Variants in FREM2 observed in about 807,000 individuals in gnomAD.
FREM2 encodes the protein FRAS1 related extracellular matrix 2.
A neutral mutation model predicts 219.9 loss-of-function variants in FREM2; 119 were observed. The observed-to-expected ratio is 0.54, with a 90% CI of 0.47 to 0.63. FREM2 has a LOEUF of 0.63. Ranked by LOEUF, FREM2 falls within the 30% of genes least tolerant of loss-of-function variation. The pLI, the probability that FREM2 is intolerant of heterozygous loss-of-function variation, is 0.00. For synonymous variants in FREM2, 1,562 were observed against 1,522.8 expected, an observed-to-expected ratio of 1.03 and a Z score of -0.60; for missense variants, 4,030 against 3,993.6, an observed-to-expected ratio of 1.01 and a Z score of -0.25.
At chr13:38,852,458 A>G (rs1253395562) in intron 11 of FREM2, among the ~76,000 whole-genome samples, 1 of 152,158 alleles carries the variant, frequency 6.6e-6, no homozygotes, top group Non-Finnish European at 1.5e-5. Context: ...TAGTTACCAG[A>G]TTAAATAATA....
intron 2 of FREM2, among the ~76,000 whole-genome samples, chr13:38,709,399 T>C (rs1870671648): frequency 6.6e-6 from 1 of 152,152 alleles, no homozygotes; most frequent in African/African-American, 2.4e-5. Context: ...TTTAAATCAT[T>C]ATGCCAATTG....
intron 23 of FREM2, 96 bp downstream of exon 23, chr13:38,879,073 T>C: frequency 9.1e-7 from 1 of 1,103,350 alleles, no homozygotes; most frequent in Non-Finnish European, 1.4e-6. Context: ...TAAATAGCAG[T>C]AATAGTAATA....
At chr13:38,801,900 T>C (rs1875026285) in intron 6 of FREM2, among the ~76,000 whole-genome samples, 1 of 152,152 alleles carries the variant, frequency 6.6e-6, no homozygotes, top group Non-Finnish European at 1.5e-5. Context: ...ATGGATATAA[T>C]GTGGGAACCC....
At chr13:38,699,510 G>A (rs745863536) in intron 2 of FREM2, among the ~76,000 whole-genome samples, 62 of 152,040 alleles carry the variant, frequency 4.1e-4, no homozygotes, top group Non-Finnish European at 7.1e-4. Context: ...AATGTGGCAA[G>A]GCCTCCAAAG....
In FREM2 at chr13:38,691,284, A is replaced by G; in HGVS notation, c.3940A>G (p.Ile1314Val). ...AATGACTATCAATAATGGACTAGAA[A>G]TAGAAATTGGGGATACCAAGATTAT... ...PRMTINNGLE[I>V]EIGDTKIINN... is the part of the protein sequence containing the mutation. The change falls in exon 1 of 24, where the codon ATA becomes GTA. Residue 1314 changes from isoleucine (I) to valine (V), a missense_variant. Around this residue, in one of 2 missense-constraint regions of FREM2, gnomAD observed 3,102 missense variants for 2,950.7 expected, o/e 1.05. Coordinates refer to ENST00000280481, the MANE Select transcript of FREM2 (RefSeq NM_207361.6). The G allele has an allele frequency of 6.2e-7, 1 of 1,614,034 alleles. No homozygotes were observed. Among genetic ancestry groups the G allele is most frequent in the Non-Finnish European group, 8.5e-7 (1 of 1,179,878 alleles).
intron 2 of FREM2, among the ~76,000 whole-genome samples, chr13:38,757,779 C>T (rs1279679454): frequency 3.9e-5 from 6 of 151,926 alleles, no homozygotes; most frequent in East Asian, 1.9e-4. Flanking sequence ...TTAGTAGAGA[C>T]GGGGTTTCAC....
chr13:38,783,623 TA>T (rs777601145), intron 5 of FREM2, among the ~76,000 whole-genome samples: 2 of 152,066 alleles, frequency 1.3e-5, no homozygotes, highest in African/African-American at 4.8e-5. Flanking sequence ...TTTTATATAA[TA>T]AAAAATTAAA....
At chr13:38,783,882 A>C (rs1874220659) in intron 5 of FREM2, among the ~76,000 whole-genome samples, 2 of 152,146 alleles carry the variant, frequency 1.3e-5, no homozygotes, top group Non-Finnish European at 2.9e-5. Flanking sequence ...GGATCACGAG[A>C]TCAGGAGTTC....
At chr13:38,747,833 T>C (rs1872551047) in intron 2 of FREM2, among the ~76,000 whole-genome samples, 2 of 152,206 alleles carry the variant, frequency 1.3e-5, no homozygotes, top group Admixed American at 6.5e-5. Flanking sequence ...TTATCAGCCT[T>C]AAAGTTTATG....
At chr13:38,803,565 A>G (rs1224345717) in intron 6 of FREM2, among the ~76,000 whole-genome samples, 1 of 151,972 alleles carries the variant, frequency 6.6e-6, no homozygotes, top group Non-Finnish European at 1.5e-5. Context: ...AATACGCAGT[A>G]TTGTTTCACT....
intron 11 of FREM2, among the ~76,000 whole-genome samples, chr13:38,852,535 A>C (rs907155988): frequency 5.9e-5 from 9 of 152,170 alleles, no homozygotes; most frequent in African/African-American, 2.2e-4. Context: ...ATTTTAGTTT[A>C]GAGAACACCA....
In FREM2 at chr13:38,757,217, G is replaced by T. The variant is rs2496399; in HGVS notation, c.5264-7087G>T. Among the ~76,000 whole-genome samples the T allele has an allele frequency of 9.5e-3, 1,441 of 152,222 alleles. 18 individuals carry two copies. Among genetic ancestry groups the T allele is most frequent in the African/African-American group, 0.033 (1,390 of 41,550 alleles). Reference sequence around the variant, plus strand: ...TACCCACATTATATACCTGGGATGGGTATATATGTAACCATATCATGTCCT... The same window carrying T: ...TACCCACATTATATACCTGGGATGGTTATATATGTAACCATATCATGTCCT... On this transcript the variant is annotated intron_variant, in intron 2 of 23. Coordinates refer to ENST00000280481, the MANE Select transcript of FREM2 (RefSeq NM_207361.6).
chr13:38,785,469 AGCAG>A (rs1874288876), intron 6 of FREM2, among the ~76,000 whole-genome samples: 2 of 152,228 alleles, frequency 1.3e-5, no homozygotes, highest in African/African-American at 4.8e-5. Flanking sequence ...TAAAGCAGAG[AGCAG>A]TAAACTGAGA....
Position 38,876,163 on chromosome 13 carries a change from A to C in FREM2, c.8409+14A>C. Reference sequence around the variant, plus strand: ...TCTGACTTTGCCGTAAGTGACTAAGACTCTTAATTAATTTTCTTCTGCTGC... The same window carrying C: ...TCTGACTTTGCCGTAAGTGACTAAGCCTCTTAATTAATTTTCTTCTGCTGC... On this transcript the variant is annotated intron_variant, in intron 19 of 23. Coordinates refer to ENST00000280481, the MANE Select transcript of FREM2 (RefSeq NM_207361.6). 4 of 1,613,888 alleles carry C rather than the reference A, an allele frequency of 2.5e-6. No individual in the cohort carries two copies. The highest frequency in any genetic ancestry group is 3.4e-6 in the Non-Finnish European group (4 of 1,179,978).
At chr13:38,733,758 T>G (rs540705461) in intron 2 of FREM2, among the ~76,000 whole-genome samples, 1 of 152,200 alleles carries the variant, frequency 6.6e-6, no homozygotes, top group African/African-American at 2.4e-5. Context: ...TCCTCTTGCC[T>G]TGGCCTCCCA....
intron 2 of FREM2, among the ~76,000 whole-genome samples, chr13:38,738,258 CAT>C (rs900878369): frequency 3.3e-5 from 5 of 151,990 alleles, no homozygotes; most frequent in African/African-American, 9.7e-5. Flanking sequence ...TCTAGACAGA[CAT>C]GTGCAATGGA....
intron 4 of FREM2, among the ~76,000 whole-genome samples, chr13:38,770,355 G>A (rs1873614108): frequency 6.6e-6 from 1 of 151,688 alleles, no homozygotes; most frequent in Non-Finnish European, 1.5e-5. Context: ...ACTGTGCCCA[G>A]CCAGGGATGC....
Position 38,859,578 on chromosome 13 carries a change from A to G in FREM2, c.7507A>G (p.Ser2503Gly). The change falls in exon 14 of 24, where the codon AGC (serine) becomes GGC (glycine). Residue 2503 changes from serine (S) to glycine (G), a missense_variant. Around this residue, in one of 2 missense-constraint regions of FREM2, gnomAD observed 928 missense variants for 1,042.9 expected, o/e 0.89. Transcript: ENST00000280481. ...GCTCATGAGCCCTATTGTAACCATC[A>G]GCAGAGAAGAAGGTCAGTCATTGCC... Reference protein sequence around the residue: ...LELMSPIVTISREEGLCQPRV... With the variant: ...LELMSPIVTIGREEGLCQPRV... 6.2e-7 allele frequency: 1 copy of G among 1,613,908 alleles called. No individual in the cohort carries two copies. Among genetic ancestry groups the G allele is most frequent in the Non-Finnish European group, 8.5e-7 (1 of 1,179,978 alleles).
chr13:38,808,384 T>A (rs1051932026), intron 6 of FREM2, among the ~76,000 whole-genome samples: 18 of 152,036 alleles, frequency 1.2e-4, no homozygotes, highest in South Asian at 2.1e-4. Flanking sequence ...TTCCTTTCCA[T>A]TCACAACTTG....
Sources: gnomAD v4.1 joint callset for allele counts (sites outside exome capture counted in the v4.1 genomes callset) on GRCh38, gnomAD v4.1.1 for gene constraint, gnomAD v4.1.1 regional missense constraint, MANE v1.5 for transcripts, NCBI Gene and HGNC (gene_info 2026-07-23, HGNC 2026-07-21) for gene names.